Variants in SLC51A observed in about 807,000 individuals in gnomAD.
The protein encoded by SLC51A is organic solute transporter subunit alpha.
A neutral mutation model predicts 34.8 loss-of-function variants in SLC51A; 22 were observed. The observed-to-expected ratio is 0.63, with a 90% CI of 0.45 to 0.90. The LOEUF (loss-of-function observed/expected upper bound fraction) is 0.90, where lower values mean the gene tolerates loss of function less well. SLC51A is among the 40% of genes least tolerant of loss of function. The pLI is 0.00. For missense variants in SLC51A, 371 were observed against 414.8 expected (o/e 0.89, Z 0.92); for synonymous variants, 181 against 176.3 (o/e 1.03, Z -0.21).
rs751368795 is a variant in SLC51A at position 196,228,969 on chromosome 3, T to C, written c.633+49T>C. ...ACAGTCCAAGACTCATTTAGTACCTTTGTGTTCTAAAAGGAATCACCAGAG... is the reference window on the plus strand; with the variant it reads ...ACAGTCCAAGACTCATTTAGTACCTCTGTGTTCTAAAAGGAATCACCAGAG... On this transcript the variant is annotated intron_variant, in intron 6 of 8. Transcript: ENST00000296327. The surrounding 1 kb of genome is among the most constrained non-coding windows in gnomAD (Gnocchi z 4.9). The C allele has an allele frequency of 5.2e-5, 74 of 1,434,008 alleles. No homozygotes were observed. The highest frequency in any genetic ancestry group is 6.2e-5 in the Non-Finnish European group (63 of 1,015,632). 88.8% of individuals were successfully genotyped at this position (1,434,008 alleles called of 1,614,324 possible).
chr3:196,219,329 C>T (rs1443653694), intron 2 of SLC51A, among the ~76,000 whole-genome samples: 4 of 152,176 alleles, frequency 2.6e-5, no homozygotes, highest in African/African-American at 7.2e-5. Context: ...AATCACGGCC[C>T]GAGCATGCTT....
At chr3:196,223,951 C>G (rs550816852) in intron 2 of SLC51A, 4 of 372,170 alleles carry the variant, frequency 1.1e-5, no homozygotes, top group African/African-American at 6.8e-5. Context: ...CCTCCACCTC[C>G]CAGTTCAAGC....
chr3:196,231,538 G>C (rs1036167365), intron 7 of SLC51A, among the ~76,000 whole-genome samples: 4 of 152,132 alleles, frequency 2.6e-5, no homozygotes, highest in African/African-American at 9.7e-5. Context: ...GAACTTCCAG[G>C]CACATAGGAG....
At chr3:196,220,934 G>A (rs1294771420) in intron 2 of SLC51A, among the ~76,000 whole-genome samples, 5 of 143,932 alleles carry the variant, frequency 3.5e-5, no homozygotes, top group Non-Finnish European at 7.5e-5. Context: ...GTGTCACTCA[G>A]GCTGGAGTGC....
intron 3 of SLC51A, chr3:196,227,429 GA>G: frequency 1.7e-6 from 1 of 594,746 alleles, no homozygotes; most frequent in East Asian, 2.8e-5. Context: ...GAGTGTGGGG[GA>G]AAGTCTCATT....
At chr3:196,232,298 A>C in intron 7 of SLC51A, 121 bp from the exon 8 acceptor site, 2 of 685,708 alleles carry the variant, frequency 2.9e-6, no homozygotes, top group Non-Finnish European at 5.2e-6. Flanking sequence ...CTGTGACTGC[A>C]CAGATCTGAC....
At position 196,232,489 on chromosome 3, in the gene SLC51A, G is replaced by A; in HGVS notation, c.851G>A (p.Cys284Tyr). ...SVLANGGQIA[C>Y]SPPYSSKTRS... ...TTGGCCAACGGTGGGCAGATTGCTTGTTCGCCTCCCTATTCCTCTAAAACC... is the reference window on the plus strand; with the variant it reads ...TTGGCCAACGGTGGGCAGATTGCTTATTCGCCTCCCTATTCCTCTAAAACC... Residue 284 changes from cysteine to tyrosine, a missense_variant, in exon 8 of 9, where the codon TGT becomes TAT. Transcript: ENST00000296327. 1 of 1,614,180 alleles carries A rather than the reference G, an allele frequency of 6.2e-7. No homozygotes were observed. Among genetic ancestry groups the A allele is most frequent in the Non-Finnish European group, 8.5e-7 (1 of 1,180,026 alleles).
chr3:196,227,910 G>A, intron 4 of SLC51A, 173 bp downstream of exon 4: 1 of 917,952 alleles, frequency 1.1e-6, no homozygotes, highest in Non-Finnish European at 1.6e-6. Context: ...TTGGCATCTG[G>A]CACATTCCTC....
chr3:196,223,389 G>C lies in SLC51A; in HGVS notation c.134-3576G>C, dbSNP rs147951033. 2.0e-3 allele frequency among the ~76,000 whole-genome samples: 298 copies of C among 151,980 alleles called. 2 individuals carry two copies. The highest frequency in any genetic ancestry group is 6.8e-3 in the African/African-American group (284 of 41,524). ...ACAAGGTGGAGAGCCGAGAATAAGC[G>C]AGTAAACAGCTGTGTAAATACAAAT... On this transcript the variant is annotated intron_variant, in intron 2 of 8. Transcript: ENST00000296327.
intron 7 of SLC51A, among the ~76,000 whole-genome samples, chr3:196,231,611 G>A (rs1440320508): frequency 3.3e-5 from 5 of 152,196 alleles, no homozygotes; most frequent in Non-Finnish European, 7.3e-5. Flanking sequence ...GGGACTGAAG[G>A]GGCAGAAAGG....
intron 2 of SLC51A, chr3:196,224,025 AT>A (rs1375325452): frequency 6.9e-6 from 2 of 291,234 alleles, no homozygotes; most frequent in Non-Finnish European, 6.7e-6. Context: ...TGCCTGGCTA[AT>A]TTTTGTATTT....
At chr3:196,226,604 T>C (rs1723898089) in intron 2 of SLC51A, 1 of 156,304 alleles carries the variant, frequency 6.4e-6, no homozygotes, top group African/African-American at 2.4e-5. Flanking sequence ...GAGAAAACTA[T>C]CTCTACTAAA....
chr3:196,227,144 G>C (rs61071010), intron 3 of SLC51A, 25 bp downstream of exon 3: 49 of 1,605,352 alleles, frequency 3.1e-5, no homozygotes, highest in East Asian at 2.9e-4. Flanking sequence ...GCTGCCCTGT[G>C]GGGGGAACTG....
At position 196,233,251 on chromosome 3, in the gene SLC51A, T is replaced by C; in HGVS notation, c.*52T>C. 2 of 1,588,308 alleles carry C rather than the reference T, an allele frequency of 1.3e-6. No individual in the cohort carries two copies. Among genetic ancestry groups the C allele is most frequent in the South Asian group, 2.3e-5 (2 of 87,812 alleles). On this transcript the variant is annotated 3_prime_UTR_variant, in exon 9 of 9. Transcript: ENST00000296327. ...TGCTGTACTCATTAGAATACAAGATTCCTTTACTGTCCCTCAACCTTGACC... is the reference window on the plus strand; with the variant it reads ...TGCTGTACTCATTAGAATACAAGATCCCTTTACTGTCCCTCAACCTTGACC...
At position 196,228,697 on chromosome 3, in the gene SLC51A, G is replaced by A; in HGVS notation, c.522-112G>A. 1.2e-6 allele frequency: 1 copy of A among 840,796 alleles called. No individual in the cohort carries two copies. Among genetic ancestry groups the A allele is most frequent in the African/African-American group, 1.7e-5 (1 of 59,880 alleles). The allele number at this position is 840,796 out of a possible 1,614,324, so 52.1% of individuals were successfully genotyped here. A position where few individuals can be genotyped will look rare whatever the true frequency, so the allele number is the denominator to read the frequency against. On this transcript the variant is annotated intron_variant, in intron 5 of 8. Transcript: ENST00000296327. The surrounding 1 kb of genome is among the most constrained non-coding windows in gnomAD (Gnocchi z 4.9). ...CTGTCCCCATCCACTTAACCTGGTT[G>A]GTGTTTATGACAGCAGCCGAGCCTC... is the stretch of plus-strand genomic sequence containing the variant.
At chr3:196,227,214 G>A (rs954973331) in intron 3 of SLC51A, 95 bp downstream of exon 3, 3 of 748,192 alleles carry the variant, frequency 4.0e-6, no homozygotes, top group South Asian at 2.4e-5. Context: ...CTTCGGCAAA[G>A]AGTGTCCTGC....
Position 196,233,194 on chromosome 3 carries a change from G to C in SLC51A, c.1018G>C (p.Ala340Pro). 6.2e-7 allele frequency: 1 copy of C among 1,614,168 alleles called. No homozygotes were observed. The highest frequency in any genetic ancestry group is 1.7e-5 in the Admixed American group (1 of 60,024). Residue 340 changes from alanine (A) to proline (P), a missense_variant, in exon 9 of 9, where the codon GCC becomes CCC. Transcript: ENST00000296327. The stretch of plus-strand genomic sequence containing the variant: ...TCCAGACCTGGACTTGAACCTCAAA[G>C]CCTAAGGTGGATGGCTTGGACAATG... ...SSPDLDLNLKA is the reference protein window; with the variant it reads ...SSPDLDLNLKP
Position 196,216,605 on chromosome 3 carries a change from C to G in SLC51A, c.-108C>G. ...GGGGAAGACTCTGCAATTCTGCTTG[C>G]CCCCCACCCCGGCCCAGGCAAGCCA... is the stretch of plus-strand genomic sequence containing the variant. On this transcript the variant is annotated 5_prime_UTR_variant, in exon 1 of 9. Transcript: ENST00000296327. The surrounding 1 kb of genome is among the most constrained non-coding windows in gnomAD (Gnocchi z 4.5). 9.0e-7 allele frequency: 1 copy of G among 1,114,034 alleles called. No individual in the cohort carries two copies. Among genetic ancestry groups the G allele is most frequent in the Admixed American group, 2.0e-5 (1 of 50,220 alleles). 69.0% of individuals were successfully genotyped at this position (1,114,034 alleles called of 1,614,324 possible).
intron 2 of SLC51A, 111 bp from the exon 3 acceptor site, chr3:196,226,854 T>C: frequency 3.0e-6 from 3 of 1,012,378 alleles, no homozygotes; most frequent in Non-Finnish European, 4.3e-6. Context: ...TCCTCATTCC[T>C]GTGCACGGGT....
Sources: gnomAD v4.1 joint callset for allele counts (sites outside exome capture counted in the v4.1 genomes callset) on GRCh38, gnomAD v4.1.1 for gene constraint, Gnocchi (gnomAD v3.1) non-coding constraint, MANE v1.5 for transcripts, NCBI Gene and HGNC (gene_info 2026-07-23, HGNC 2026-07-21) for gene names.